Variants in PPP2R2C observed in about 807,000 individuals in gnomAD.
PPP2R2C encodes protein phosphatase 2, regulatory subunit B, gamma.
PPP2R2C carries 10 observed loss-of-function variants against 45.3 expected under a neutral mutation model. The ratio of observed to expected loss-of-function variants is 0.22; its 90% CI spans 0.14 to 0.37. The LOEUF (loss-of-function observed/expected upper bound fraction) is 0.37, where lower values mean the gene tolerates loss of function less well. PPP2R2C is among the 10% of genes least tolerant of loss of function. The pLI, the probability that PPP2R2C is intolerant of heterozygous loss-of-function variation, is 1.00. For missense variants in PPP2R2C, 308 were observed against 619.7 expected, an observed-to-expected ratio of 0.50 and a Z score of 5.34; for synonymous variants, 257 against 245.4, an observed-to-expected ratio of 1.05 and a Z score of -0.44.
intron 2 of PPP2R2C, among the ~76,000 whole-genome samples, chr4:6,513,555 A>G (rs892872900): frequency 6.6e-6 from 1 of 152,212 alleles, no homozygotes; most frequent in Non-Finnish European, 1.5e-5. Flanking sequence ...GAAGCCAGCA[A>G]TTGCCATGCA....
At chr4:6,414,319 C>G (rs1025083016) in intron 1 of PPP2R2C, among the ~76,000 whole-genome samples, 8 of 152,150 alleles carry the variant, frequency 5.3e-5, no homozygotes, top group African/African-American at 1.9e-4. Flanking sequence ...TTCCACTGAC[C>G]TGAGCTAGGC....
At chr4:6,548,102 C>T (rs1050957394) in intron 1 of PPP2R2C, among the ~76,000 whole-genome samples, 1 of 152,112 alleles carries the variant, frequency 6.6e-6, no homozygotes, top group Non-Finnish European at 1.5e-5. Flanking sequence ...CCTGTAATCC[C>T]AGCTACTCCG....
intron 1 of PPP2R2C, among the ~76,000 whole-genome samples, chr4:6,455,510 T>C (rs1720975305): frequency 6.6e-6 from 1 of 152,064 alleles, no homozygotes; most frequent in South Asian, 2.1e-4. Flanking sequence ...TCCAGCACAC[T>C]GGGCAGCTCC....
At chr4:6,529,782 G>A (rs1272591464) in intron 2 of PPP2R2C, among the ~76,000 whole-genome samples, 4 of 151,388 alleles carry the variant, frequency 2.6e-5, no homozygotes, top group Non-Finnish European at 5.9e-5. Flanking sequence ...GTACACAGCA[G>A]ATGCTCAATA....
In PPP2R2C at chr4:6,471,551, C is replaced by A. The variant is rs571238312; in HGVS notation, c.70+609G>T. 6.6e-6 allele frequency: 1 copy of A among 152,506 alleles called. No homozygotes were observed. Among genetic ancestry groups the A allele is most frequent in the East Asian group, 1.9e-4 (1 of 5,140 alleles). The allele number at this position is 152,506 out of a possible 1,614,324, so 9.4% of individuals were successfully genotyped here. On this transcript the variant is annotated intron_variant, in intron 1 of 8. Coordinates refer to ENST00000382599, the MANE Select transcript of PPP2R2C (RefSeq NM_020416.4). The surrounding 1 kb of genome is among the most constrained non-coding windows in gnomAD (Gnocchi z 5.6). Reference sequence around the variant, plus strand: ...ACAGTTAGCCCAGCTGCTCCTGTCTCAATATAACTCACCAGGAATAAAAAG... The same window carrying A: ...ACAGTTAGCCCAGCTGCTCCTGTCTAAATATAACTCACCAGGAATAAAAAG...
intron 2 of PPP2R2C, among the ~76,000 whole-genome samples, chr4:6,502,486 T>C (rs1243239462): frequency 6.6e-6 from 1 of 151,588 alleles, no homozygotes; most frequent in Non-Finnish European, 1.5e-5. Flanking sequence ...GCCCTCCCTC[T>C]GTCCCTCCCT....
At chr4:6,370,398 T>C (rs1285565915) in intron 5 of PPP2R2C, among the ~76,000 whole-genome samples, 2 of 152,096 alleles carry the variant, frequency 1.3e-5, no homozygotes, top group African/African-American at 2.4e-5. Context: ...ACCCTCCCCA[T>C]TTGCAGACCT....
intron 1 of PPP2R2C, among the ~76,000 whole-genome samples, chr4:6,425,999 C>A (rs1719276819): frequency 6.6e-6 from 1 of 152,114 alleles, no homozygotes; most frequent in African/African-American, 2.4e-5. Context: ...GCGGGATGAG[C>A]CTGTTCCTGG....
At chr4:6,502,533 G>GCTTC (rs1280006826) in intron 2 of PPP2R2C, among the ~76,000 whole-genome samples, 1 of 147,704 alleles carries the variant, frequency 6.8e-6, no homozygotes, top group Non-Finnish European at 1.5e-5. Flanking sequence ...CTCCTTCCCT[G>GCTTC]CTTCCTTCCT....
At chr4:6,515,998 T>C (rs1206036462) in intron 2 of PPP2R2C, among the ~76,000 whole-genome samples, 1 of 152,228 alleles carries the variant, frequency 6.6e-6, no homozygotes, top group Non-Finnish European at 1.5e-5. Flanking sequence ...CCTCTTATTA[T>C]AAGGACATCA....
intron 6 of PPP2R2C, among the ~76,000 whole-genome samples, chr4:6,339,895 T>C (rs982510917): frequency 6.6e-6 from 1 of 152,204 alleles, no homozygotes; most frequent in East Asian, 1.9e-4. Context: ...CAGGAGGAGC[T>C]TGGAGGGTCC....
At chr4:6,513,457 G>A (rs769165247) in intron 2 of PPP2R2C, among the ~76,000 whole-genome samples, 80 of 152,294 alleles carry the variant, frequency 5.3e-4, no homozygotes, top group Admixed American at 1.4e-3. Context: ...GGTGGAACAG[G>A]GGGTGAAGAG....
intron 1 of PPP2R2C, among the ~76,000 whole-genome samples, chr4:6,398,531 C>CATCACAAGATGCAAATTTGCATCACA (rs1717205803): frequency 6.6e-6 from 1 of 152,096 alleles, no homozygotes; most frequent in Non-Finnish European, 1.5e-5. Context: ...TCACAAGACG[C>CATCACAAGATGCAAATTTGCATCACA]AGATGCAAAT....
intron 1 of PPP2R2C, among the ~76,000 whole-genome samples, chr4:6,405,544 T>G (rs1224070466): frequency 6.6e-6 from 1 of 152,210 alleles, no homozygotes; most frequent in East Asian, 1.9e-4. Context: ...GGCAACCCCG[T>G]GCAGAGCAGT....
chr4:6,560,523 A>G (rs1238447704), intron 1 of PPP2R2C, among the ~76,000 whole-genome samples: 2 of 152,122 alleles, frequency 1.3e-5, no homozygotes, highest in East Asian at 1.9e-4. Context: ...GGAGCCAACA[A>G]GAGCACCCAT....
intron 1 of PPP2R2C, among the ~76,000 whole-genome samples, chr4:6,548,336 G>C (rs1397555501): frequency 6.6e-6 from 1 of 152,156 alleles, no homozygotes; most frequent in African/African-American, 2.4e-5. Context: ...GAATGAGATG[G>C]ATGACAACCC....
chr4:6,412,769 G>A (rs1411287710), intron 1 of PPP2R2C, among the ~76,000 whole-genome samples: 2 of 152,126 alleles, frequency 1.3e-5, no homozygotes, highest in African/African-American at 2.4e-5. Context: ...TTAGGAGGTG[G>A]GGCCTTTGGG....
rs1731581118 is a variant in PPP2R2C, at chr4:6,322,036, G to A, written c.*1266C>T. 1 of 152,188 alleles carries A rather than the reference G, an allele frequency of 6.6e-6. No individual in the cohort carries two copies. The highest frequency in any genetic ancestry group is 6.5e-5 in the Admixed American group (1 of 15,284). The allele number at this position is 152,188 out of a possible 1,614,324, so 9.4% of individuals were successfully genotyped here. A position where few individuals can be genotyped will look rare whatever the true frequency, so the allele number is the denominator to read the frequency against. On this transcript the variant is annotated 3_prime_UTR_variant, in exon 9 of 9. Coordinates refer to ENST00000382599, the MANE Select transcript of PPP2R2C (RefSeq NM_020416.4). The surrounding 1 kb of genome is among the most constrained non-coding windows in gnomAD (Gnocchi z 7.8). Reference sequence around the variant, plus strand: ...GCCACACTCCTGAAGCCACCAAGCAGAGCGAGGAGCTCCGGGGGGTCTTCT... The same window carrying A: ...GCCACACTCCTGAAGCCACCAAGCAAAGCGAGGAGCTCCGGGGGGTCTTCT...
chr4:6,382,544 T>C, intron 1 of PPP2R2C: 1 of 1,346,812 alleles, frequency 7.4e-7, no homozygotes, highest in Non-Finnish European at 9.8e-7. Flanking sequence ...CTCAGCCTCA[T>C]CCTCTGCAGC....
Sources: gnomAD v4.1 joint callset for allele counts (sites outside exome capture counted in the v4.1 genomes callset) on GRCh38, gnomAD v4.1.1 for gene constraint, Gnocchi (gnomAD v3.1) non-coding constraint, MANE v1.5 for transcripts, NCBI Gene and HGNC (gene_info 2026-07-23, HGNC 2026-07-21) for gene names.